The following EIF4G2 variants were observed in gnomAD, a reference collection of about 807,000 sequenced individuals.
EIF4G2 encodes DAP-5.
EIF4G2 carries 8 observed loss-of-function variants against 117.7 expected under a neutral mutation model. The observed-to-expected ratio is 0.07, with a 90% CI of 0.04 to 0.12. The LOEUF is 0.12. EIF4G2 is among the 10% of genes least tolerant of loss of function. EIF4G2 has a pLI of 1.00. For missense variants in EIF4G2, 812 were observed against 1,086.2 expected, an observed-to-expected ratio of 0.75 and a Z score of 3.55; for synonymous variants, 413 against 367.8, an observed-to-expected ratio of 1.12 and a Z score of -1.41.
intron 3 of EIF4G2, 107 bp downstream of exon 3, chr11:10,806,713 C>CT: frequency 4.8e-6 from 6 of 1,261,824 alleles, no homozygotes; most frequent in Non-Finnish European, 6.8e-6. Flanking sequence ...AACCACGCCC[C>CT]TTAAGATTAG....
At chr11:10,806,397 A>C in intron 3 of EIF4G2, 1 of 341,658 alleles carries the variant, frequency 2.9e-6, no homozygotes, top group African/African-American at 2.1e-5. Flanking sequence ...GGCTGATCTC[A>C]AACTCTTGGG....
chr11:10,804,666 A>G (rs1847509505), intron 5 of EIF4G2: 3 of 604,016 alleles, frequency 5.0e-6, no homozygotes, highest in Non-Finnish European at 5.6e-6. Context: ...CCACAAAAGA[A>G]AAAGAACAGC....
intron 13 of EIF4G2, 135 bp downstream of exon 13, chr11:10,801,914 G>T (rs751038735): frequency 8.3e-6 from 9 of 1,081,428 alleles, no homozygotes; most frequent in Non-Finnish European, 1.1e-5. Context: ...AAACAGGGAA[G>T]AATAAAAATC....
rs1369720523 is a variant in EIF4G2 at position 10,800,594 on chromosome 11, A to G, written c.1698T>C (p.Asn566=). The change falls in exon 17 of 22, where the codon AAT becomes AAC. Residue 566 remains asparagine (N), a synonymous_variant. Transcript: ENST00000339995. Reference sequence around the variant, plus strand: ...TAGGAGCCCTCATTTCTCTTACACCATTGACAGCCTCATTTGCATTTCCAC... The same window carrying G: ...TAGGAGCCCTCATTTCTCTTACACCGTTGACAGCCTCATTTGCATTTCCAC... 1.9e-6 allele frequency: 3 copies of G among 1,614,050 alleles called. No individual in the cohort carries two copies. The African/African-American group carries it at 4.0e-5, about 22-fold the overall frequency.
intron 1 of EIF4G2, chr11:10,807,846 A>G (rs563615103): frequency 2.6e-5 from 26 of 985,452 alleles, no homozygotes; most frequent in African/African-American, 5.3e-5. Context: ...TCGTGGAAAG[A>G]CGCGCGAGAG....
intron 1 of EIF4G2, chr11:10,807,701 A>G: frequency 2.0e-6 from 2 of 997,692 alleles, no homozygotes; most frequent in Non-Finnish European, 2.4e-6. Flanking sequence ...TACAGACACG[A>G]GCAACATCAC....
chr11:10,805,967 G>T lies in EIF4G2; in HGVS notation c.188C>A (p.Ala63Glu). ...TTTTTCGTTTGCGGAGTTGTTTGCT[G>T]CGGAGTTGTCATCTCGTCTAGTGCT... The change falls in exon 4 of 22, where the codon GCA becomes GAA. Residue 63 changes from alanine to glutamate, a missense_variant. Physicochemically the swap from Ala to Glu is moderately radical, Grantham distance 107. Coordinates refer to ENST00000339995, the MANE Select transcript of EIF4G2 (RefSeq NM_001418.4). The T allele has an allele frequency of 6.2e-7, 1 of 1,614,158 alleles. No homozygotes were observed. The highest frequency in any genetic ancestry group is 8.5e-7 in the Non-Finnish European group (1 of 1,180,024).
Position 10,807,243 on chromosome 11 carries a change from A to G in EIF4G2, c.41+12T>C. On this transcript the variant is annotated intron_variant, in intron 2 of 21. Transcript: ENST00000339995. ...TTTTCAAAAGGATTCCCCAAAATAA[A>G]TCTACAAGTACCTGAAACGAGAAGC... 1.9e-6 allele frequency: 3 copies of G among 1,605,792 alleles called. No homozygotes were observed. Among genetic ancestry groups the G allele is most frequent in the Non-Finnish European group, 2.5e-6 (3 of 1,177,582 alleles).
chr11:10,797,082 A>G lies in EIF4G2; in HGVS notation c.*734T>C, dbSNP rs1288164121. On this transcript the variant is annotated 3_prime_UTR_variant, in exon 22 of 22. Coordinates refer to ENST00000339995, the MANE Select transcript of EIF4G2 (RefSeq NM_001418.4). The surrounding 1 kb of genome is among the most constrained non-coding windows in gnomAD (Gnocchi z 4.5). ...AGTATCACAATGTTTATTGATAGAT[A>G]CAAGTATATAAAATCAGGGCATGAA... is the stretch of plus-strand genomic sequence containing the variant. 6.6e-6 allele frequency: 1 copy of G among 152,634 alleles called. No individual in the cohort carries two copies. Among genetic ancestry groups the G allele is most frequent in the Non-Finnish European group, 1.5e-5 (1 of 68,034 alleles). 9.5% of individuals were successfully genotyped at this position (152,634 alleles called of 1,614,324 possible). A position where few individuals can be genotyped will look rare whatever the true frequency, so the allele number is the denominator to read the frequency against.
intron 1 of EIF4G2, 73 bp downstream of exon 1, chr11:10,808,632 C>T: frequency 2.2e-6 from 1 of 462,604 alleles, no homozygotes; most frequent in South Asian, 2.9e-5. Context: ...TTTTGTACCA[C>T]TCGAGAAGAA....
chr11:10,805,397 A>T (rs1847536137), intron 4 of EIF4G2, among the ~76,000 whole-genome samples: 3 of 152,188 alleles, frequency 2.0e-5, no homozygotes, highest in African/African-American at 7.2e-5. Context: ...ATTGCAATCC[A>T]ATGGCTGAAA....
At chr11:10,802,883 A>C (rs938736559) in intron 11 of EIF4G2, 147 bp downstream of exon 11, 3 of 680,088 alleles carry the variant, frequency 4.4e-6, no homozygotes, top group African/African-American at 3.7e-5. Context: ...TAAAAAAATA[A>C]AAGTGGAAGA....
At position 10,803,003 on chromosome 11, in the gene EIF4G2, G is replaced by T; in HGVS notation, c.996+27C>A. 1 of 1,597,526 alleles carries T rather than the reference G, an allele frequency of 6.3e-7. No homozygotes were observed. The highest frequency in any genetic ancestry group is 8.6e-7 in the Non-Finnish European group (1 of 1,169,586). On this transcript the variant is annotated intron_variant, in intron 11 of 21. Coordinates refer to ENST00000339995, the MANE Select transcript of EIF4G2 (RefSeq NM_001418.4). This position sits in a 1 kb window ranked among gnomAD's most constrained non-coding sequence, Gnocchi z 4.0. ...TATTCTACACACACAGAGTCTATGT[G>T]ACAAACAAAACAAAACCCAATCTTA...
rs1847488933 is a variant in EIF4G2 at position 10,803,723 on chromosome 11, T to TG, written c.703-134dup. On this transcript the variant is annotated intron_variant, in intron 8 of 21. Coordinates refer to ENST00000339995, the MANE Select transcript of EIF4G2 (RefSeq NM_001418.4). This position sits in a 1 kb window ranked among gnomAD's most constrained non-coding sequence, Gnocchi z 4.0. ...TCTAGTATAGGGCTTTCTACCAGTC[T>TG]GGTTGATCAGTTCTAACTCTACTTT... 1 of 1,118,116 alleles carries TG rather than the reference T, an allele frequency of 8.9e-7. No homozygotes were observed. 69.3% of individuals were successfully genotyped at this position (1,118,116 alleles called of 1,614,324 possible).
chr11:10,803,612 G>A lies in EIF4G2; in HGVS notation c.703-22C>T, dbSNP rs1847486445. 1 of 1,598,704 alleles carries A rather than the reference G, an allele frequency of 6.3e-7. No individual in the cohort carries two copies. The highest frequency in any genetic ancestry group is 1.7e-4 in the Middle Eastern group (1 of 6,040). On this transcript the variant is annotated intron_variant, in intron 8 of 21. Coordinates refer to ENST00000339995, the MANE Select transcript of EIF4G2 (RefSeq NM_001418.4). This position sits in a 1 kb window ranked among gnomAD's most constrained non-coding sequence, Gnocchi z 4.0. Reference sequence around the variant, plus strand: ...AAAGCTACAAGAATAAAAGGCCATGGTGACAAAGTTTTAGTTACTCTGGTT... The same window carrying A: ...AAAGCTACAAGAATAAAAGGCCATGATGACAAAGTTTTAGTTACTCTGGTT...
chr11:10,801,726 G>C lies in EIF4G2; in HGVS notation c.1348C>G (p.Leu450Val). The C allele has an allele frequency of 6.2e-7, 1 of 1,614,148 alleles. No homozygotes were observed. The highest frequency in any genetic ancestry group is 2.2e-5 in the East Asian group (1 of 44,876). The change falls in exon 14 of 22, where the codon CTG becomes GTG. Residue 450 changes from leucine to valine, a missense_variant. By Grantham distance (32) the Leu-to-Val change is conservative. Around this residue, in one of 4 missense-constraint regions of EIF4G2, gnomAD observed 571 missense variants for 642.3 expected, o/e 0.89. Transcript: ENST00000339995. ...GGCATATCCTTCGACTGTCCTTGCA[G>C]CTGGGATAAGAGTCCCTGACTCTGG...
In EIF4G2 at chr11:10,800,136, T is replaced by C; in HGVS notation, c.2073A>G (p.Thr691=). 3.7e-6 allele frequency: 6 copies of C among 1,614,150 alleles called. No individual in the cohort carries two copies. Among genetic ancestry groups the C allele is most frequent in the Non-Finnish European group, 5.1e-6 (6 of 1,180,028 alleles). Residue 691 remains threonine (T), a synonymous_variant, in exon 18 of 22, where the codon ACA becomes ACG. Coordinates refer to ENST00000339995, the MANE Select transcript of EIF4G2 (RefSeq NM_001418.4). Reference sequence around the variant, plus strand: ...TGACCTTGCTTTGTTGAAAAAGTTCTGTTAACCATTCTCGATCTTGTAATT... The same window carrying C: ...TGACCTTGCTTTGTTGAAAAAGTTCCGTTAACCATTCTCGATCTTGTAATT...
chr11:10,807,191 T>C (rs1263838166), intron 2 of EIF4G2, 64 bp downstream of exon 2: 16 of 1,551,546 alleles, frequency 1.0e-5, no homozygotes, highest in Non-Finnish European at 1.4e-5. Context: ...ACTTATTTGC[T>C]GTGTTAACTA....
intron 1 of EIF4G2, 85 bp from the exon 2 acceptor site, chr11:10,807,466 C>T: frequency 7.0e-7 from 1 of 1,420,090 alleles, no homozygotes; most frequent in Non-Finnish European, 9.2e-7. Flanking sequence ...ATTTCAGATC[C>T]TGGCACTGTC....
Sources: gnomAD v4.1 joint callset for allele counts (sites outside exome capture counted in the v4.1 genomes callset) on GRCh38, gnomAD v4.1.1 for gene constraint, gnomAD v4.1.1 regional missense constraint, Gnocchi (gnomAD v3.1) non-coding constraint, MANE v1.5 for transcripts, NCBI Gene and HGNC (gene_info 2026-07-23, HGNC 2026-07-21) for gene names.